Variants in MACROD2 observed in about 807,000 individuals in gnomAD.
MACROD2 encodes ADP-ribose glycohydrolase MACROD2.
Under a neutral mutation model 70.4 loss-of-function variants are expected in MACROD2, and 36 were observed. That is an observed-to-expected ratio of 0.51 (90% confidence interval 0.39 to 0.68). The LOEUF is 0.68. Ranked by LOEUF, MACROD2 falls within the 30% of genes least tolerant of loss-of-function variation. MACROD2 has a pLI of 0.00. For missense variants in MACROD2, 496 were observed against 538.4 expected (o/e 0.92, Z 0.78); for synonymous variants, 172 against 178.8 (o/e 0.96, Z 0.30).
In MACROD2 at chr20:14,667,796, C is replaced by T. The variant is rs1600518099; in HGVS notation, c.302-17047C>T. ...CACAGAAGAACCCACTCTCTTCTCT[C>T]CTATAGCCACTGCCACTCATTCTGC... is the stretch of plus-strand genomic sequence containing the variant. On this transcript the variant is annotated intron_variant, in intron 4 of 17. Transcript: ENST00000684519. 2.0e-5 allele frequency among the ~76,000 whole-genome samples: 3 copies of T among 152,260 alleles called. No homozygotes were observed. The East Asian group carries it at 5.8e-4, about 29-fold the overall frequency.
chr20:15,337,795 G>A (rs2078065169), intron 6 of MACROD2, among the ~76,000 whole-genome samples: 1 of 151,740 alleles, frequency 6.6e-6, no homozygotes, highest in South Asian at 2.1e-4. Context: ...ACAGCTTGTA[G>A]AACATATAGA....
chr20:15,859,083 A>T (rs963108168), intron 8 of MACROD2, among the ~76,000 whole-genome samples: 9 of 152,218 alleles, frequency 5.9e-5, no homozygotes, highest in African/African-American at 2.2e-4. Context: ...TTCTTACAAT[A>T]AAGTAAGTTA....
intron 15 of MACROD2, among the ~76,000 whole-genome samples, chr20:15,993,461 G>C (rs1355684909): frequency 6.6e-6 from 1 of 151,664 alleles, no homozygotes; most frequent in East Asian, 1.9e-4. Flanking sequence ...ATGCTGTATG[G>C]GTTTATAACC....
chr20:14,780,317 C>T (rs1413971885), intron 5 of MACROD2, among the ~76,000 whole-genome samples: 6 of 152,108 alleles, frequency 3.9e-5, no homozygotes, highest in African/African-American at 1.5e-4. Context: ...AATCCCAGCA[C>T]TTTGAGAGGC....
At position 14,043,288 on chromosome 20, in the gene MACROD2, G is replaced by A. The variant is rs143951037; in HGVS notation, c.163+40884G>A. 3.9e-5 allele frequency among the ~76,000 whole-genome samples: 6 copies of A among 152,190 alleles called. No homozygotes were observed. In the East Asian group the frequency reaches 1.2e-3, roughly 29 times the overall value. Reference sequence around the variant, plus strand: ...ATCAGGGATCTCACACCCTTTCCTTGGTTTCAGTTAAGCTGCTGAAGTGGC... The same window carrying A: ...ATCAGGGATCTCACACCCTTTCCTTAGTTTCAGTTAAGCTGCTGAAGTGGC... On this transcript the variant is annotated intron_variant, in intron 2 of 17. Coordinates refer to ENST00000684519, the MANE Select transcript of MACROD2 (RefSeq NM_001351661.2).
chr20:14,267,064 T>C (rs2082150345), intron 3 of MACROD2, among the ~76,000 whole-genome samples: 1 of 152,150 alleles, frequency 6.6e-6, no homozygotes, highest in Admixed American at 6.5e-5. Context: ...AATGGTAGTG[T>C]CAGGTCTTAA....
At chr20:15,189,672 A>C (rs754489932) in intron 5 of MACROD2, among the ~76,000 whole-genome samples, 15 of 152,214 alleles carry the variant, frequency 9.9e-5, no homozygotes, top group Non-Finnish European at 1.8e-4. Context: ...GAAGGAAAAT[A>C]TATAAAGAGA....
intron 5 of MACROD2, among the ~76,000 whole-genome samples, chr20:15,020,055 C>T (rs759129731): frequency 2.0e-5 from 3 of 152,022 alleles, no homozygotes; most frequent in Non-Finnish European, 2.9e-5. Context: ...ATCATAAATA[C>T]GTATTGATAA....
At chr20:15,903,257 G>A (rs545816522) in intron 10 of MACROD2, among the ~76,000 whole-genome samples, 122 of 152,288 alleles carry the variant, frequency 8.0e-4, no homozygotes, top group African/African-American at 2.7e-3. Flanking sequence ...CAGGAGAATC[G>A]CTGGAACCCG....
At position 14,455,897 on chromosome 20, in the gene MACROD2, TA is replaced by T. The variant is rs372220460; in HGVS notation, c.272-37575del. On this transcript the variant is annotated intron_variant, in intron 3 of 17. Transcript: ENST00000684519. ...TTTTAACACATTAAAATAAATGTAT[TA>T]AAAAAATGGTCTTCATGTATCATCT... Among the ~76,000 whole-genome samples the T allele has an allele frequency of 4.0e-3, 613 of 151,818 alleles. 21 individuals are homozygous for T. The highest frequency in any genetic ancestry group is 0.013 in the African/African-American group (553 of 41,182).
chr20:14,826,405 A>G (rs2072903425), intron 5 of MACROD2, among the ~76,000 whole-genome samples: 1 of 152,078 alleles, frequency 6.6e-6, no homozygotes, highest in African/African-American at 2.4e-5. Flanking sequence ...TCTTAGTTAA[A>G]ATAATCTTCT....
chr20:15,968,797 GTATATATATATATATATATATATA>G (rs35259261), intron 13 of MACROD2, among the ~76,000 whole-genome samples: 1,116 of 106,810 alleles, frequency 0.01, 16 homozygotes, highest in African/African-American at 0.027. Context: ...TATATTATGC[GTATATATATATATATATATATATA>G]TATATATATA....
chr20:15,769,309 G>A (rs772603388), intron 8 of MACROD2, among the ~76,000 whole-genome samples: 13 of 151,798 alleles, frequency 8.6e-5, no homozygotes, highest in South Asian at 2.1e-4. Flanking sequence ...CACCACGCCC[G>A]GCTAATTTTG....
rs2046439410 is a variant in MACROD2, at chr20:15,437,287, A to G, written c.571+5852A>G. ...CTTGGTACCCATTCATCATGGTTAT[A>G]TCTTCTGTGACCCACATGTACATGA... On this transcript the variant is annotated intron_variant, in intron 7 of 17. Coordinates refer to ENST00000684519, the MANE Select transcript of MACROD2 (RefSeq NM_001351661.2). Among the ~76,000 whole-genome samples, 3 of 152,120 alleles carry G rather than the reference A, an allele frequency of 2.0e-5. No individual in the cohort carries two copies. In the South Asian group the frequency reaches 6.2e-4, roughly 32 times the overall value.
At chr20:15,906,920 G>A (rs2065156520) in intron 10 of MACROD2, among the ~76,000 whole-genome samples, 1 of 152,166 alleles carries the variant, frequency 6.6e-6, no homozygotes. Context: ...CTTGATTAAG[G>A]TGGTGTCTCA....
chr20:15,740,490 G>A (rs1409297498), intron 8 of MACROD2, among the ~76,000 whole-genome samples: 2 of 152,116 alleles, frequency 1.3e-5, no homozygotes, highest in East Asian at 3.8e-4. Flanking sequence ...AGGAAGTGAG[G>A]AAGAAACACT....
intron 7 of MACROD2, among the ~76,000 whole-genome samples, chr20:15,452,055 C>T (rs536724358): frequency 3.1e-4 from 47 of 152,262 alleles, no homozygotes; most frequent in Admixed American, 9.2e-4. Flanking sequence ...TGTCTGTGCG[C>T]TTACTGCTCA....
intron 2 of MACROD2, among the ~76,000 whole-genome samples, chr20:14,030,802 G>T (rs1023113271): frequency 6.9e-6 from 1 of 144,936 alleles, no homozygotes; most frequent in South Asian, 2.4e-4. Context: ...GGAATTGCCA[G>T]TACTTAATCA....
intron 5 of MACROD2, among the ~76,000 whole-genome samples, chr20:14,821,323 C>G (rs2072842109): frequency 6.6e-6 from 1 of 151,998 alleles, no homozygotes; most frequent in African/African-American, 2.4e-5. Flanking sequence ...TTACATGTTT[C>G]CTTTTCCTTG....
Sources: allele counts gnomAD v4.1 joint callset (sites outside exome capture counted in the v4.1 genomes callset), GRCh38; gene constraint gnomAD v4.1.1; transcripts MANE v1.5; gene names NCBI Gene and HGNC (gene_info 2026-07-23, HGNC 2026-07-21).